The following PRDM10 variants were observed in gnomAD, a reference collection of about 807,000 sequenced individuals.
PRDM10 encodes PR domain zinc finger protein 10.
A neutral mutation model predicts 133.1 loss-of-function variants in PRDM10; 65 were observed. That is an observed-to-expected ratio of 0.49 (90% confidence interval 0.40 to 0.60). PRDM10 has a LOEUF of 0.60. Among genes scored for constraint, PRDM10 ranks in the 20% least tolerant of loss-of-function variants. PRDM10 has a pLI of 0.00. For missense variants in PRDM10, 1,137 were observed against 1,507.1 expected (o/e 0.75, Z 4.07); for synonymous variants, 582 against 580.4 (o/e 1.00, Z -0.04).
intron 11 of PRDM10, among the ~76,000 whole-genome samples, 188 bp from the exon 12 acceptor site, chr11:129,925,417 G>C (rs1477526484): frequency 1.3e-5 from 2 of 151,478 alleles, no homozygotes; most frequent in Non-Finnish European, 3.0e-5. Context: ...CATCCTCAAA[G>C]AAGCTCATCT....
At chr11:129,971,015 G>A (rs1428894717) in intron 1 of PRDM10, among the ~76,000 whole-genome samples, 7 of 152,082 alleles carry the variant, frequency 4.6e-5, no homozygotes, top group African/African-American at 1.4e-4. Flanking sequence ...GTACCCTCGC[G>A]ATGAGTGTTA....
chr11:129,969,727 A>G (rs1014878944), intron 1 of PRDM10, among the ~76,000 whole-genome samples: 1 of 152,152 alleles, frequency 6.6e-6, no homozygotes, highest in African/African-American at 2.4e-5. Context: ...GAATCACTTG[A>G]ACCCGGAAGG....
intron 1 of PRDM10, among the ~76,000 whole-genome samples, chr11:129,971,659 C>T (rs1248855790): frequency 2.0e-5 from 3 of 152,014 alleles, no homozygotes; most frequent in East Asian, 1.9e-4. Flanking sequence ...ATTGGGTGCA[C>T]TCACAAACCC....
chr11:129,922,034 T>G (rs1428714400), intron 13 of PRDM10, among the ~76,000 whole-genome samples: 1 of 152,160 alleles, frequency 6.6e-6, no homozygotes, highest in Non-Finnish European at 1.5e-5. Context: ...GGCATACTGC[T>G]GACTTCCGAC....
chr11:129,965,979 C>T (rs1271498908), intron 1 of PRDM10, among the ~76,000 whole-genome samples: 3 of 152,180 alleles, frequency 2.0e-5, no homozygotes, highest in Non-Finnish European at 2.9e-5. Context: ...CACAGTGGCT[C>T]ATACCTGTAA....
At chr11:129,930,534 C>T (rs1161605458) in intron 11 of PRDM10, among the ~76,000 whole-genome samples, 1 of 152,202 alleles carries the variant, frequency 6.6e-6, no homozygotes, top group African/African-American at 2.4e-5. Context: ...TGAACTGTAC[C>T]TGCCATATCA....
chr11:129,929,345 C>G, intron 11 of PRDM10: 1 of 1,497,428 alleles, frequency 6.7e-7, no homozygotes, highest in Non-Finnish European at 9.0e-7. Flanking sequence ...GTACAGGTTG[C>G]AAAGAACAGC....
intron 1 of PRDM10, among the ~76,000 whole-genome samples, chr11:129,983,450 G>A (rs950479722): frequency 7.3e-5 from 11 of 151,654 alleles, no homozygotes; most frequent in South Asian, 2.1e-4. Context: ...GCCCCCCACC[G>A]CGCCCAGCTA....
intron 9 of PRDM10, among the ~76,000 whole-genome samples, chr11:129,933,647 A>G (rs1950938182): frequency 6.6e-6 from 1 of 152,220 alleles, no homozygotes; most frequent in South Asian, 2.1e-4. Flanking sequence ...CACTAAGGAC[A>G]TCAGATTACA....
intron 6 of PRDM10, among the ~76,000 whole-genome samples, chr11:129,944,121 G>C (rs1951310263): frequency 6.6e-6 from 1 of 152,214 alleles, no homozygotes. Flanking sequence ...AAGCCAAGGA[G>C]AGAGGCCTCA....
intron 7 of PRDM10, 79 bp from the exon 8 acceptor site, chr11:129,937,749 T>A: frequency 7.7e-7 from 1 of 1,301,126 alleles, no homozygotes; most frequent in African/African-American, 1.5e-5. Context: ...TTCTCCTGCT[T>A]ACAGGAAACA....
chr11:129,914,923 G>A lies in PRDM10; in HGVS notation c.2622C>T (p.Ala874=). The change falls in exon 17 of 21, where the codon GCC becomes GCT. Residue 874 remains alanine, a synonymous_variant. Transcript: ENST00000360871. ...TGTCTGTAGTCAAAACCGCTGGGGT[G>A]GCACTGATCACAGCTGTCGTCAGTG... ...HTPLTTAVIS[A]TPAVLTTDSA... is the part of the protein sequence containing the mutation. 2 of 1,614,162 alleles carry A rather than the reference G, an allele frequency of 1.2e-6. No individual in the cohort carries two copies. Among genetic ancestry groups the A allele is most frequent in the East Asian group, 4.5e-5 (2 of 44,884 alleles).
At position 129,947,746 on chromosome 11, in the gene PRDM10, C is replaced by T. The variant is rs1429026500; in HGVS notation, c.295-376G>A. 4 of 393,284 alleles carry T rather than the reference C, an allele frequency of 1.0e-5. No individual in the cohort carries two copies. The highest frequency in any genetic ancestry group is 9.5e-6 in the Non-Finnish European group (2 of 211,462). 24.4% of individuals were successfully genotyped at this position (393,284 alleles called of 1,614,324 possible). A position where few individuals can be genotyped will look rare whatever the true frequency, so the allele number is the denominator to read the frequency against. ...AATAAAACCTGGTCTCTTCCTGGCT[C>T]ATTCAGCCGTTTCACACTGCTTGAG... On this transcript the variant is annotated intron_variant, in intron 4 of 20. Transcript: ENST00000360871. The surrounding 1 kb of genome is among the most constrained non-coding windows in gnomAD (Gnocchi z 4.6).
In PRDM10 at chr11:129,918,629, C is replaced by T. The variant is rs755345400; in HGVS notation, c.2124G>A (p.Thr708=). The T allele has an allele frequency of 1.9e-5, 31 of 1,614,100 alleles. No homozygotes were observed. The highest frequency in any genetic ancestry group is 2.4e-5 in the Non-Finnish European group (28 of 1,180,038). ...KKADRISRSK[T]FKPRITSTDY... ...CTGTGGACGTGATGCGGGGCTTGAA[C>T]GTCTTGGAGCGGCTGATGCGGTCGG... The change falls in exon 14 of 21, where the codon ACG becomes ACA. Residue 708 remains threonine, a synonymous_variant. Coordinates refer to ENST00000360871, the MANE Select transcript of PRDM10 (RefSeq NM_199437.2). The surrounding 1 kb of genome is among the most constrained non-coding windows in gnomAD (Gnocchi z 5.3).
intron 10 of PRDM10, 107 bp from the exon 11 acceptor site, chr11:129,931,365 A>G (rs1950852303): frequency 7.1e-7 from 1 of 1,408,094 alleles, no homozygotes; most frequent in African/African-American, 1.4e-5. Flanking sequence ...ATACTCAGAA[A>G]AAATATTCTC....
intron 20 of PRDM10, 110 bp from the exon 21 acceptor site, chr11:129,902,626 C>T (rs1324394814): frequency 6.9e-7 from 1 of 1,452,912 alleles, no homozygotes; most frequent in Non-Finnish European, 9.1e-7. Context: ...CCAAAATAGG[C>T]ATCTATGAGA....
chr11:129,954,520 C>T (rs1951659601), intron 4 of PRDM10, among the ~76,000 whole-genome samples: 1 of 152,058 alleles, frequency 6.6e-6, no homozygotes, highest in Middle Eastern at 3.2e-3. Context: ...CCACCTCAGC[C>T]TCTGAAAGTG....
chr11:129,912,206 G>T lies in PRDM10; in HGVS notation c.2861C>A (p.Ser954Ter). Residue 954 changes from serine to a stop codon, truncating the protein, a stop_gained, in exon 18 of 21, where the codon TCA becomes TAA. Transcript: ENST00000360871. LOFTEE classifies it high-confidence loss of function. ...QVASATSPHQSQQSTVDVGQL... is the reference protein window; with the variant it reads ...QVASATSPHQ ...GCCAACATCCACAGTGGACTGCTGT[G>T]ACTGGTGAGGGGAAGTGGCCTGGAA... 1 of 1,599,126 alleles carries T rather than the reference G, an allele frequency of 6.3e-7. No individual in the cohort carries two copies. The highest frequency in any genetic ancestry group is 8.5e-7 in the Non-Finnish European group (1 of 1,170,950).
In PRDM10 at chr11:129,923,643, TGAGAGAGAGAGAGAGAGAGAGAGAGA is replaced by T. The variant is rs57429782; in HGVS notation, c.1879-266_1879-241del. On this transcript the variant is annotated intron_variant, in intron 12 of 20. Coordinates refer to ENST00000360871, the MANE Select transcript of PRDM10 (RefSeq NM_199437.2). The surrounding 1 kb of genome is among the most constrained non-coding windows in gnomAD (Gnocchi z 4.4). ...CGAACCTCCCCGATGACTTGAAACG[TGAGAGAGAGAGAGAGAGAGAGAGAGA>T]GAGAGAGAGAGAGAGAGAGAGAGAG... Among the ~76,000 whole-genome samples the T allele has an allele frequency of 6.1e-5, 4 of 65,866 alleles. No homozygotes were observed. The highest frequency in any genetic ancestry group is 1.0e-4 in the Non-Finnish European group (4 of 39,426). 43.2% of individuals were successfully genotyped at this position (65,866 alleles called of 152,430 possible). A position where few individuals can be genotyped will look rare whatever the true frequency, so the allele number is the denominator to read the frequency against.
Sources: allele counts gnomAD v4.1 joint callset (sites outside exome capture counted in the v4.1 genomes callset), GRCh38; gene constraint gnomAD v4.1.1; non-coding constraint Gnocchi (gnomAD v3.1); transcripts MANE v1.5; gene names NCBI Gene and HGNC (gene_info 2026-07-23, HGNC 2026-07-21).